The following WRN variants were observed in gnomAD, a reference collection of about 807,000 sequenced individuals.
WRN encodes the protein bifunctional 3'-5' exonuclease/ATP-dependent helicase WRN.
A neutral mutation model predicts 180.7 loss-of-function variants in WRN; 149 were observed. That is an observed-to-expected ratio of 0.82 (90% CI 0.72 to 0.94). The LOEUF (loss-of-function observed/expected upper bound fraction) is 0.94. Ranked by LOEUF, WRN falls within the 40% of genes least tolerant of loss-of-function variation. The pLI is 0.00. For synonymous variants in WRN, 548 were observed against 568.9 expected (o/e 0.96, Z 0.52); for missense variants, 1,661 against 1,700.1 (o/e 0.98, Z 0.40).
At chr8:31,159,739 G>T (rs889334827) in intron 33 of WRN, among the ~76,000 whole-genome samples, 1 of 152,024 alleles carries the variant, frequency 6.6e-6, no homozygotes, top group Non-Finnish European at 1.5e-5. Flanking sequence ...GAGGTCAGGA[G>T]TTCAAGACCA....
At chr8:31,063,294 T>C (rs1812562682) in intron 3 of WRN, among the ~76,000 whole-genome samples, 1 of 152,270 alleles carries the variant, frequency 6.6e-6, no homozygotes, top group African/African-American at 2.4e-5. Context: ...TTCTTGTTGA[T>C]CTGTGTAGTT....
intron 5 of WRN, 73 bp downstream of exon 5, chr8:31,065,136 A>G: frequency 6.7e-7 from 1 of 1,502,326 alleles, no homozygotes; most frequent in Non-Finnish European, 9.0e-7. Context: ...TTCTATCTGA[A>G]TGTTAGATTT....
intron 3 of WRN, 40 bp downstream of exon 3, chr8:31,059,305 C>A: frequency 6.6e-7 from 1 of 1,503,788 alleles, no homozygotes; most frequent in Non-Finnish European, 9.3e-7. Context: ...TGAATTTGGA[C>A]CCTTAGAAGG....
rs780287000 is a variant in WRN at position 31,081,100 on chromosome 8, A to T, written c.1073A>T (p.Asp358Val). 5.6e-6 allele frequency: 9 copies of T among 1,614,092 alleles called. No individual in the cohort carries two copies. Among genetic ancestry groups the T allele is most frequent in the Non-Finnish European group, 7.6e-6 (9 of 1,179,982 alleles). ...DPTLDHLAKH[D>V]GEDVLGNKVE... The stretch of plus-strand genomic sequence containing the variant: ...ACACTTGATCATTTAGCTAAACATG[A>T]TGGAGAAGATGTACTTGGAAATAAA... The change falls in exon 9 of 35, where the codon GAT (aspartate) becomes GTT (valine). Residue 358 changes from aspartate (D) to valine (V), a missense_variant. Coordinates refer to ENST00000298139, the MANE Select transcript of WRN (RefSeq NM_000553.6).
At chr8:31,152,255 T>C (rs1338445549) in intron 31 of WRN, among the ~76,000 whole-genome samples, 2 of 150,908 alleles carry the variant, frequency 1.3e-5, no homozygotes, top group Non-Finnish European at 2.9e-5. Context: ...GGCGTGAACC[T>C]GGGAGGCGGA....
At chr8:31,079,150 T>A (rs1813206089) in intron 8 of WRN, among the ~76,000 whole-genome samples, 1 of 152,222 alleles carries the variant, frequency 6.6e-6, no homozygotes, top group Non-Finnish European at 1.5e-5. Context: ...GTTTTTGAAT[T>A]TAATTTTGCT....
At chr8:31,080,625 G>A (rs1813264043) in intron 8 of WRN, among the ~76,000 whole-genome samples, 1 of 151,344 alleles carries the variant, frequency 6.6e-6, no homozygotes, top group South Asian at 2.1e-4. Context: ...TTGGGACCAA[G>A]CACTACTGAC....
chr8:31,088,354 A>C (rs1022764612), intron 12 of WRN, among the ~76,000 whole-genome samples: 1 of 152,176 alleles, frequency 6.6e-6, no homozygotes, highest in Non-Finnish European at 1.5e-5. Context: ...TGTGCTGTGC[A>C]GTTAGAATTT....
chr8:31,108,749 G>A (rs1801190938), intron 18 of WRN, among the ~76,000 whole-genome samples: 1 of 152,134 alleles, frequency 6.6e-6, no homozygotes, highest in Admixed American at 6.5e-5. Context: ...TGTGGGGCCG[G>A]AGGGTAACTG....
At chr8:31,169,893 TC>T (rs1035556257) in intron 34 of WRN, among the ~76,000 whole-genome samples, 26 of 152,240 alleles carry the variant, frequency 1.7e-4, no homozygotes, top group African/African-American at 6.3e-4. Context: ...GCTGCTCTCT[TC>T]ACCTAAGAGA....
intron 18 of WRN, among the ~76,000 whole-genome samples, chr8:31,104,354 A>C (rs1031289716): frequency 6.6e-6 from 1 of 152,112 alleles, no homozygotes; most frequent in African/African-American, 2.4e-5. Context: ...CCTCTGGTGA[A>C]ATTTCTTACA....
chr8:31,169,309 C>T (rs1043317232), intron 34 of WRN, among the ~76,000 whole-genome samples: 15 of 151,184 alleles, frequency 9.9e-5, no homozygotes, highest in African/African-American at 1.5e-4. Flanking sequence ...TATTTTAAAA[C>T]GTTTTTTAGA....
Position 31,100,713 on chromosome 8 carries a change from A to C in WRN, c.1982-136A>C, listed in dbSNP as rs1585455142. The C allele has an allele frequency of 4.3e-6, 3 of 701,740 alleles. No individual in the cohort carries two copies. The East Asian group carries it at 8.2e-5, about 19-fold the overall frequency. The allele number at this position is 701,740 out of a possible 1,614,324, so 43.5% of individuals were successfully genotyped here. ...AATAATGATTTTTGGTGTTAATATG[A>C]TGATATTTATGCTTCTGTTTTTATA... On this transcript the variant is annotated intron_variant, in intron 17 of 34. Coordinates refer to ENST00000298139, the MANE Select transcript of WRN (RefSeq NM_000553.6).
At chr8:31,128,510 T>C (rs550829931) in intron 23 of WRN, among the ~76,000 whole-genome samples, 1 of 152,198 alleles carries the variant, frequency 6.6e-6, no homozygotes, top group African/African-American at 2.4e-5. Context: ...TGTAGCACAC[T>C]GATTGAGAAG....
At position 31,153,026 on chromosome 8, in the gene WRN, G is replaced by GA. The variant is rs112947160; in HGVS notation, c.3688-1583dup. 3.6e-3 allele frequency among the ~76,000 whole-genome samples: 460 copies of GA among 129,114 alleles called. 1 individual carries two copies. Among genetic ancestry groups the GA allele is most frequent in the Middle Eastern group, 0.012 (3 of 248 alleles). The allele number at this position is 129,114 out of a possible 152,430, so 84.7% of individuals were successfully genotyped here. On this transcript the variant is annotated intron_variant, in intron 31 of 34. Transcript: ENST00000298139. ...CCACAATACTCCAGCCTGAGTGATA[G>GA]AAAAAAAAAAAAAAAGTGTCTTTGT...
In WRN at chr8:31,124,687, A is replaced by G. The variant is rs11574322; in HGVS notation, c.2732+64A>G. 2.9e-3 allele frequency: 4,220 copies of G among 1,455,936 alleles called. 106 individuals are homozygous for G. In the African/African-American group the frequency reaches 0.053, roughly 18 times the overall value. The allele number at this position is 1,455,936 out of a possible 1,614,324, so 90.2% of individuals were successfully genotyped here. The stretch of plus-strand genomic sequence containing the variant: ...TGGATGATGCTCTTTTAAGACAACA[A>G]TTTGGCTAAATAATTATCAGTATTT... On this transcript the variant is annotated intron_variant, in intron 22 of 34. Transcript: ENST00000298139.
intron 17 of WRN, among the ~76,000 whole-genome samples, chr8:31,097,333 C>G (rs1477753756): frequency 6.6e-6 from 1 of 152,062 alleles, no homozygotes; most frequent in African/African-American, 2.4e-5. Flanking sequence ...TGTAGGTAAC[C>G]AACACCCAAC....
chr8:31,054,240 T>C (rs577352241), intron 1 of WRN, among the ~76,000 whole-genome samples: 7 of 151,094 alleles, frequency 4.6e-5, no homozygotes, highest in African/African-American at 1.7e-4. Context: ...CAGAAAAAAA[T>C]GGAAAAAGAA....
intron 1 of WRN, among the ~76,000 whole-genome samples, chr8:31,043,304 T>C (rs1328642340): frequency 1.3e-5 from 2 of 152,220 alleles, no homozygotes; most frequent in Non-Finnish European, 2.9e-5. Context: ...GCAATAATTA[T>C]GGCCAGGAGA....
Sources: gnomAD v4.1 joint callset for allele counts (sites outside exome capture counted in the v4.1 genomes callset) on GRCh38, gnomAD v4.1.1 for gene constraint, MANE v1.5 for transcripts, NCBI Gene and HGNC (gene_info 2026-07-23, HGNC 2026-07-21) for gene names.